The following RSPO3 variants were observed in gnomAD, a reference collection of about 807,000 sequenced individuals.
RSPO3 encodes the protein R-spondin 3, also known as R-spondin-3.
Under a neutral mutation model 36.5 loss-of-function variants are expected in RSPO3, and 17 were observed. The observed-to-expected ratio is 0.47, with a 90% confidence interval of 0.32 to 0.70. The LOEUF (loss-of-function observed/expected upper bound fraction) is 0.70. Among genes scored for constraint, RSPO3 ranks in the 30% least tolerant of loss-of-function variants. The pLI, the probability that RSPO3 is intolerant of heterozygous loss-of-function variation, is 0.04. For synonymous variants in RSPO3, 108 were observed against 107.0 expected, an observed-to-expected ratio of 1.01 and a Z score of -0.06; for missense variants, 294 against 322.5, an observed-to-expected ratio of 0.91 and a Z score of 0.68.
chr6:127,137,824 T>C (rs1160904507), intron 1 of RSPO3, among the ~76,000 whole-genome samples: 1 of 152,152 alleles, frequency 6.6e-6, no homozygotes, highest in Non-Finnish European at 1.5e-5. Context: ...GCCTTTTAAT[T>C]TGCGGCAAAA....
intron 1 of RSPO3, among the ~76,000 whole-genome samples, chr6:127,140,468 T>C (rs910540604): frequency 6.6e-6 from 1 of 152,182 alleles, no homozygotes; most frequent in African/African-American, 2.4e-5. Context: ...TGTAGATTGA[T>C]GCACAGCCTC....
chr6:127,191,790 A>G (rs967116831), intron 4 of RSPO3, among the ~76,000 whole-genome samples: 4 of 152,230 alleles, frequency 2.6e-5, no homozygotes, highest in African/African-American at 7.2e-5. Context: ...AGAAACATCC[A>G]AACTCTGGCC....
intron 4 of RSPO3, among the ~76,000 whole-genome samples, chr6:127,164,560 G>T (rs1198974182): frequency 6.6e-6 from 1 of 151,798 alleles, no homozygotes; most frequent in Non-Finnish European, 1.5e-5. Context: ...GAGTAAACTG[G>T]CTTTAAATGA....
intron 1 of RSPO3, among the ~76,000 whole-genome samples, chr6:127,122,208 A>C (rs866856575): frequency 6.6e-6 from 1 of 152,234 alleles, no homozygotes; most frequent in African/African-American, 2.4e-5. Flanking sequence ...TAGTTATTAC[A>C]AACTAGTGTT....
intron 1 of RSPO3, among the ~76,000 whole-genome samples, chr6:127,130,017 A>G (rs2114546669): frequency 6.6e-6 from 1 of 152,278 alleles, no homozygotes; most frequent in South Asian, 2.1e-4. Flanking sequence ...TGGAGCTAGA[A>G]CAAACTTATG....
intron 4 of RSPO3, among the ~76,000 whole-genome samples, chr6:127,171,258 G>A (rs1378667978): frequency 1.3e-5 from 2 of 151,488 alleles, no homozygotes; most frequent in Non-Finnish European, 3.0e-5. Flanking sequence ...TTTTTTCTTA[G>A]GAAAATTGCT....
chr6:127,182,857 G>A (rs1249044465), intron 4 of RSPO3, among the ~76,000 whole-genome samples: 1 of 152,000 alleles, frequency 6.6e-6, no homozygotes, highest in Non-Finnish European at 1.5e-5. Flanking sequence ...AGATGGGCTA[G>A]AATCATATTT....
rs577721086 is a variant in RSPO3 at position 127,118,902 on chromosome 6, T to C, written c.-291T>C. ...GGCAGTTGCCGCACAACATGCTACC[T>C]GCGGCCGCCCCGGCGGCTCCTGGAA... On this transcript the variant is annotated 5_prime_UTR_variant, in exon 1 of 5. Transcript: ENST00000356698. 0.033 allele frequency: 7,492 copies of C among 225,358 alleles called. 164 individuals are homozygous for C. Among genetic ancestry groups the C allele is most frequent in the Non-Finnish European group, 0.046 (5,428 of 116,766 alleles). 14.0% of individuals were successfully genotyped at this position (225,358 alleles called of 1,614,324 possible).
At chr6:127,130,559 G>A (rs757385962) in intron 1 of RSPO3, among the ~76,000 whole-genome samples, 1 of 152,060 alleles carries the variant, frequency 6.6e-6, no homozygotes, top group Non-Finnish European at 1.5e-5. Flanking sequence ...TAGTTATCAT[G>A]ACCTGATTGT....
intron 4 of RSPO3, among the ~76,000 whole-genome samples, chr6:127,184,935 A>T (rs1297892238): frequency 1.3e-5 from 2 of 151,924 alleles, no homozygotes; most frequent in South Asian, 2.1e-4. Flanking sequence ...ATATATAAAA[A>T]ATATATACAC....
chr6:127,176,481 T>C (rs1251491709), intron 4 of RSPO3, among the ~76,000 whole-genome samples: 1 of 151,718 alleles, frequency 6.6e-6, no homozygotes, highest in East Asian at 1.9e-4. Flanking sequence ...ACTCATTCCT[T>C]ACTACTGGTT....
chr6:127,173,225 G>A (rs1774978280), intron 4 of RSPO3, among the ~76,000 whole-genome samples: 1 of 151,718 alleles, frequency 6.6e-6, no homozygotes, highest in African/African-American at 2.4e-5. Flanking sequence ...ACTATAATAA[G>A]CAAATTGGCC....
intron 1 of RSPO3, among the ~76,000 whole-genome samples, chr6:127,133,596 A>G (rs1281144792): frequency 6.6e-6 from 1 of 152,100 alleles, no homozygotes; most frequent in African/African-American, 2.4e-5. Flanking sequence ...TTTTTGTAGC[A>G]TGCTCTAACC....
intron 4 of RSPO3, among the ~76,000 whole-genome samples, chr6:127,181,665 C>G (rs1165689211): frequency 6.6e-6 from 1 of 151,820 alleles, no homozygotes; most frequent in Non-Finnish European, 1.5e-5. Flanking sequence ...AAAAGGGATT[C>G]ACCTTCCTCT....
At chr6:127,167,761 T>TC (rs898500656) in intron 4 of RSPO3, among the ~76,000 whole-genome samples, 1 of 151,596 alleles carries the variant, frequency 6.6e-6, no homozygotes, top group Non-Finnish European at 1.5e-5. Context: ...CCCTCCCCCA[T>TC]CCCCCCATCC....
intron 4 of RSPO3, among the ~76,000 whole-genome samples, chr6:127,180,515 A>AAAAAAAAAAAAAG: frequency 7.3e-6 from 1 of 136,858 alleles, no homozygotes; most frequent in Non-Finnish European, 1.6e-5. Context: ...AAAAAAAAAA[A>AAAAAAAAAAAAAG]CCACCAGATC....
chr6:127,147,112 CA>C (rs1489612503), intron 1 of RSPO3, among the ~76,000 whole-genome samples: 3 of 152,082 alleles, frequency 2.0e-5, no homozygotes, highest in Non-Finnish European at 4.4e-5. Context: ...AGTTTATTTA[CA>C]AAACGTCTTG....
intron 1 of RSPO3, among the ~76,000 whole-genome samples, chr6:127,130,466 C>T (rs1040779392): frequency 6.6e-6 from 1 of 152,026 alleles, no homozygotes; most frequent in Admixed American, 6.6e-5. Flanking sequence ...CTTTTTCTGG[C>T]CAGCTTTTTC....
At chr6:127,127,225 G>A (rs754736496) in intron 1 of RSPO3, among the ~76,000 whole-genome samples, 27 of 152,140 alleles carry the variant, frequency 1.8e-4, no homozygotes, top group Admixed American at 3.3e-4. Flanking sequence ...ACATATGCTC[G>A]ATAAGTTGGT....
Sources: allele counts gnomAD v4.1 joint callset (sites outside exome capture counted in the v4.1 genomes callset), GRCh38; gene constraint gnomAD v4.1.1; transcripts MANE v1.5; gene names NCBI Gene and HGNC (gene_info 2026-07-23, HGNC 2026-07-21).